ACER1: variants seen among roughly 807,000 people sequenced by gnomAD.
ACER1 encodes CTB-180A7.3.
A neutral mutation model predicts 24.9 loss-of-function variants in ACER1; 28 were observed. The ratio of observed to expected loss-of-function variants is 1.13; its 90% confidence interval spans 0.83 to 1.54. The LOEUF is 1.54. Ranked by LOEUF, ACER1 falls within the 40% of genes most tolerant of loss-of-function variation. The pLI is 0.00. For missense variants in ACER1, 352 were observed against 349.3 expected (o/e 1.01, Z -0.06); for synonymous variants, 132 against 131.4 (o/e 1.00, Z -0.03).
chr19:6,309,697 T>G lies in ACER1; in HGVS notation c.488A>C (p.Lys163Thr). 1.2e-6 allele frequency: 2 copies of G among 1,613,826 alleles called. No individual in the cohort carries two copies. The highest frequency in any genetic ancestry group is 1.7e-6 in the Non-Finnish European group (2 of 1,179,876). The part of the protein sequence containing the change: ...ILYIVCQEYR[K>T]TSNKELRHLI... Reference sequence around the variant, plus strand: ...CCAGGCACCTGCAGCCTTCACTCACTTCCTGTACTCCTGGCACACGATGTA... The same window carrying G: ...CCAGGCACCTGCAGCCTTCACTCACGTCCTGTACTCCTGGCACACGATGTA... Residue 163 changes from lysine (K) to threonine (T), a missense_variant and splice_region_variant, in exon 4 of 6, where the codon AAG (lysine) becomes ACG (threonine). Lys to Thr is a moderately conservative substitution (Grantham distance 78). Transcript: ENST00000301452.
intron 1 of ACER1, among the ~76,000 whole-genome samples, chr19:6,313,843 T>C (rs1368830390): frequency 1.3e-5 from 2 of 152,184 alleles, no homozygotes; most frequent in Non-Finnish European, 2.9e-5. Context: ...ACAAGAAGAC[T>C]GGCTACCCTT....
Position 6,306,460 on chromosome 19 carries a change from A to C in ACER1, c.*254T>G. The C allele has an allele frequency of 4.6e-6, 2 of 437,930 alleles. No homozygotes were observed. 27.1% of individuals were successfully genotyped at this position (437,930 alleles called of 1,614,324 possible). On this transcript the variant is annotated 3_prime_UTR_variant, in exon 6 of 6. Transcript: ENST00000301452. ...GGAGGCTGTGGACACAGAGGAGGAA[A>C]TGAAAGAGGATGGGGGGGGTCATGG...
chr19:6,326,427 A>ATT (rs553349790), intron 1 of ACER1, among the ~76,000 whole-genome samples: 2 of 146,050 alleles, frequency 1.4e-5, no homozygotes, highest in African/African-American at 5.0e-5. Context: ...CGCCCGGCCT[A>ATT]TTTTTTTTTT....
chr19:6,332,362 T>C (rs1278869457), intron 1 of ACER1, among the ~76,000 whole-genome samples: 7 of 145,638 alleles, frequency 4.8e-5, no homozygotes, highest in Non-Finnish European at 1.5e-5. Context: ...CCTCCACTTC[T>C]TGGGTTCAAG....
chr19:6,334,855 A>G (rs1213684529), upstream of ACER1, among the ~76,000 whole-genome samples: 1 of 149,210 alleles, frequency 6.7e-6, no homozygotes, highest in African/African-American at 2.5e-5. Flanking sequence ...TTTTTTTTTG[A>G]GATGGAGTCT....
At chr19:6,308,192 T>G (rs1232442705) in intron 4 of ACER1, among the ~76,000 whole-genome samples, 2 of 152,132 alleles carry the variant, frequency 1.3e-5, no homozygotes, top group African/African-American at 4.8e-5. Flanking sequence ...CCCAGCACTT[T>G]GGGAGGCCGA....
chr19:6,333,008 C>T (rs1427102158), intron 1 of ACER1, among the ~76,000 whole-genome samples: 5 of 151,946 alleles, frequency 3.3e-5, no homozygotes, highest in African/African-American at 4.8e-5. Flanking sequence ...CAGGATAGTC[C>T]CAGGCACACT....
At chr19:6,310,236 C>T (rs368266516) in intron 3 of ACER1, among the ~76,000 whole-genome samples, 15 of 151,844 alleles carry the variant, frequency 9.9e-5, no homozygotes, top group African/African-American at 9.6e-5. Context: ...TACAGGCGCC[C>T]GCCACCACGC....
At position 6,318,427 on chromosome 19, in the gene ACER1, C is replaced by T. The variant is rs555992727; in HGVS notation, c.94-5928G>A. 5.0e-4 allele frequency among the ~76,000 whole-genome samples: 76 copies of T among 151,630 alleles called. No homozygotes were observed. In the Middle Eastern group the frequency reaches 0.01, roughly 20 times the overall value. ...GAGGTTGCAGTGAGCTGAGATCACA[C>T]GATTGCATTCCAGCCTGGGTGACAT... On this transcript the variant is annotated intron_variant, in intron 1 of 5. Transcript: ENST00000301452.
chr19:6,327,257 C>T (rs372904622), intron 1 of ACER1, among the ~76,000 whole-genome samples: 1 of 152,092 alleles, frequency 6.6e-6, no homozygotes, highest in African/African-American at 2.4e-5. Flanking sequence ...CTGGTGAAAC[C>T]CTGTCTCTGC....
At chr19:6,312,795 A>T (rs945358881) in intron 1 of ACER1, among the ~76,000 whole-genome samples, 2 of 149,972 alleles carry the variant, frequency 1.3e-5, no homozygotes, top group Admixed American at 1.3e-4. Flanking sequence ...CCTGTCTCAG[A>T]CTCCCGAGTA....
chr19:6,356,710 TCATACTG>T, the ACER1 span, among the ~76,000 whole-genome samples: 1 of 147,552 alleles, frequency 6.8e-6, no homozygotes, highest in African/African-American at 2.6e-5. Context: ...ATAAAATAAA[TCATACTG>T]CATGTAAAAA....
At chr19:6,327,036 T>C (rs985322091) in intron 1 of ACER1, among the ~76,000 whole-genome samples, 3 of 152,176 alleles carry the variant, frequency 2.0e-5, no homozygotes, top group African/African-American at 7.2e-5. Context: ...ACATGTCCTT[T>C]TCTATGAAGT....
At chr19:6,311,490 C>T (rs925112966) in intron 3 of ACER1, among the ~76,000 whole-genome samples, 10 of 151,590 alleles carry the variant, frequency 6.6e-5, no homozygotes, top group Non-Finnish European at 1.2e-4. Flanking sequence ...TGCAGTGAGC[C>T]GAGATCGCAC....
At chr19:6,307,322 C>T in intron 4 of ACER1, 32 bp from the exon 5 acceptor site, 1 of 1,611,666 alleles carries the variant, frequency 6.2e-7, no homozygotes, top group Non-Finnish European at 8.5e-7. Flanking sequence ...CAGGGGCTGG[C>T]TCGGAGAGCA....
At chr19:6,335,763 G>A (rs1416300297), upstream of ACER1, among the ~76,000 whole-genome samples, 2 of 151,630 alleles carry the variant, frequency 1.3e-5, no homozygotes, top group African/African-American at 2.4e-5. Flanking sequence ...CCCAGGAGAC[G>A]GAGCTTGCAG....
In ACER1 at chr19:6,330,882, C is replaced by T. The variant is rs946381199; in HGVS notation, c.93+2577G>A. On this transcript the variant is annotated intron_variant, in intron 1 of 5. Coordinates refer to ENST00000301452, the MANE Select transcript of ACER1 (RefSeq NM_133492.3). ...CCCACTTCCCAGGTATGGGAAGCCC[C>T]GGGGTGAAAGGCAACAGGGTCAGAG... 2.7e-5 allele frequency among the ~76,000 whole-genome samples: 4 copies of T among 149,612 alleles called. No homozygotes were observed. In the South Asian group the frequency reaches 6.3e-4, roughly 24 times the overall value.
rs1046544156 is a variant in ACER1 at position 6,326,279 on chromosome 19, C to T, written c.93+7180G>A. Among the ~76,000 whole-genome samples the T allele has an allele frequency of 3.9e-5, 6 of 152,108 alleles. No homozygotes were observed. The East Asian group carries it at 1.2e-3, about 29-fold the overall frequency. ...AGTAGCTGGGACCACAGGCGCCCAC[C>T]ACAATGCCCGGCTAATTTTTATATT... On this transcript the variant is annotated intron_variant, in intron 1 of 5. Transcript: ENST00000301452.
chr19:6,341,856 C>G, the ACER1 span, among the ~76,000 whole-genome samples: 1 of 152,114 alleles, frequency 6.6e-6, no homozygotes, highest in Non-Finnish European at 1.5e-5. Context: ...GTCTTGAACT[C>G]CTGACCTCAT....
Sources: allele counts gnomAD v4.1 joint callset (sites outside exome capture counted in the v4.1 genomes callset), GRCh38; gene constraint gnomAD v4.1.1; transcripts MANE v1.5; gene names NCBI Gene and HGNC (gene_info 2026-07-23, HGNC 2026-07-21).